ZXDC: variants seen among roughly 807,000 people sequenced by gnomAD.
The protein encoded by ZXDC is ZXD family zinc finger C.
In ZXDC, 58 loss-of-function variants were observed where a neutral mutation model predicts 63.6. That is an observed-to-expected ratio of 0.91 (90% CI 0.74 to 1.13). ZXDC has a LOEUF of 1.13. Among genes scored for constraint, ZXDC ranks in the 50% most tolerant of loss-of-function variants. ZXDC has a pLI of 0.00. For missense variants in ZXDC, 1,133 were observed against 1,148.9 expected (o/e 0.99, Z 0.20); for synonymous variants, 561 against 496.1 (o/e 1.13, Z -1.74).
At chr3:126,461,495 A>C (rs539869207) in intron 6 of ZXDC, 40 bp downstream of exon 6, 1 of 1,559,110 alleles carries the variant, frequency 6.4e-7, no homozygotes, top group Admixed American at 1.9e-5. Flanking sequence ...GTATGAGAGA[A>C]GTGACCTATA....
At chr3:126,458,319 C>A (rs139823135) in intron 7 of ZXDC, among the ~76,000 whole-genome samples, 3,931 of 150,692 alleles carry the variant, frequency 0.026, 66 homozygotes, top group Non-Finnish European at 0.039. Flanking sequence ...TCACTGCAAC[C>A]TCTGCCTCCT....
intron 7 of ZXDC, among the ~76,000 whole-genome samples, chr3:126,449,553 C>T (rs375343509): frequency 7.9e-5 from 12 of 152,380 alleles, no homozygotes; most frequent in East Asian, 1.9e-4. Flanking sequence ...CCTGACCCTA[C>T]GACTGATGCT....
intron 5 of ZXDC, among the ~76,000 whole-genome samples, chr3:126,465,141 C>A (rs1179554098): frequency 6.6e-6 from 1 of 152,228 alleles, no homozygotes; most frequent in Non-Finnish European, 1.5e-5. Context: ...CAGTTGGTGA[C>A]ACACACAGCC....
Position 126,470,998 on chromosome 3 carries a change from G to A in ZXDC, c.1167C>T (p.Thr389=), listed in dbSNP as rs1158154599. 2 of 1,614,164 alleles carry A rather than the reference G, an allele frequency of 1.2e-6. No individual in the cohort carries two copies. The highest frequency in any genetic ancestry group is 1.3e-5 in the African/African-American group (1 of 75,036). Reference sequence around the variant, plus strand: ...ATTTCCCACAGCCCTCGACAGGGCAGGTAAACCTCCGGTCATCGTCATGTT... The same window carrying A: ...ATTTCCCACAGCCCTCGACAGGGCAAGTAAACCTCCGGTCATCGTCATGTT... ...RRKHDDDRRF[T]CPVEGCGKSF... Residue 389 remains threonine, a synonymous_variant, in exon 4 of 10, where the codon ACC becomes ACT. Transcript: ENST00000389709.
intron 7 of ZXDC, chr3:126,457,158 G>T: frequency 3.3e-6 from 2 of 607,992 alleles, no homozygotes; most frequent in Non-Finnish European, 4.1e-6. Flanking sequence ...GGGGGAGTCT[G>T]GTCACATTCA....
intron 7 of ZXDC, chr3:126,451,289 T>G (rs1934090488): frequency 1.3e-5 from 13 of 985,352 alleles, no homozygotes; most frequent in Non-Finnish European, 1.3e-5. Context: ...ACACAAAAAT[T>G]TGTCTCTCAA....
At chr3:126,440,027 C>T in intron 8 of ZXDC, 3 of 1,241,224 alleles carry the variant, frequency 2.4e-6, no homozygotes, top group Non-Finnish European at 3.0e-6. Context: ...AAGGCACGCT[C>T]CTCAACTCCT....
chr3:126,453,686 G>C (rs928516611), intron 7 of ZXDC: 1 of 985,170 alleles, frequency 1.0e-6, no homozygotes, highest in Non-Finnish European at 1.2e-6. Context: ...TTTGTAATTA[G>C]CTTTTATTTT....
At chr3:126,449,108 T>C (rs1933995183) in intron 7 of ZXDC, among the ~76,000 whole-genome samples, 1 of 152,220 alleles carries the variant, frequency 6.6e-6, no homozygotes, top group Admixed American at 6.5e-5. Context: ...TCAGCAGCTC[T>C]GAAACCACAT....
At chr3:126,473,691 G>A (rs998079208) in intron 1 of ZXDC, among the ~76,000 whole-genome samples, 1 of 152,154 alleles carries the variant, frequency 6.6e-6, no homozygotes, top group East Asian at 1.9e-4. Context: ...ATATGCGAGG[G>A]AAAAAATAAT....
intron 3 of ZXDC, 118 bp downstream of exon 3, chr3:126,471,855 C>T: frequency 1.2e-6 from 1 of 858,804 alleles, no homozygotes; most frequent in South Asian, 2.1e-5. Context: ...ATCATCAACA[C>T]TGAGCTCCTT....
chr3:126,462,455 G>A (rs763097919), intron 5 of ZXDC, among the ~76,000 whole-genome samples: 13 of 152,162 alleles, frequency 8.5e-5, no homozygotes, highest in Non-Finnish European at 1.3e-4. Flanking sequence ...CTTTACGTAC[G>A]CGTCTTGGAT....
At chr3:126,442,128 C>T (rs1163326494) in intron 7 of ZXDC, 182 bp from the exon 8 acceptor site, 3 of 612,002 alleles carry the variant, frequency 4.9e-6, no homozygotes, top group Admixed American at 4.3e-5. Context: ...AACAACCATA[C>T]GAACAAAAAA....
At chr3:126,473,619 T>C (rs949220386) in intron 1 of ZXDC, among the ~76,000 whole-genome samples, 1 of 152,206 alleles carries the variant, frequency 6.6e-6, no homozygotes, top group Non-Finnish European at 1.5e-5. Context: ...GAAAAAGACT[T>C]TGAGCTAGTG....
intron 2 of ZXDC, 42 bp from the exon 3 acceptor site, chr3:126,472,093 C>CTGTTT: frequency 6.2e-7 from 1 of 1,609,794 alleles, no homozygotes; most frequent in Non-Finnish European, 8.5e-7. Context: ...TTTACAACTC[C>CTGTTT]AACAGCTACG....
chr3:126,450,121 G>C (rs1427634479), intron 7 of ZXDC: 2 of 345,438 alleles, frequency 5.8e-6, no homozygotes, highest in Non-Finnish European at 1.1e-5. Context: ...TCTAGGAAGT[G>C]ATGTCCAGAG....
intron 7 of ZXDC, among the ~76,000 whole-genome samples, chr3:126,444,269 A>C (rs1576662018): frequency 6.6e-6 from 1 of 152,228 alleles, no homozygotes; most frequent in Admixed American, 6.5e-5. Flanking sequence ...GCAGTGGCTC[A>C]CGCCTGTAAT....
rs767014376 is a variant in ZXDC, at chr3:126,475,542, G to T, written c.324C>A (p.Pro108=). The part of the protein sequence containing the change: ...PGSRVNLASR[P]EQGPSGPAAP... ...CGGCCGGGCCGCTGGGGCCCTGCTC[G>T]GGGCGGCTCGCCAGGTTGACACGGG... The change falls in exon 1 of 10, where the codon CCC becomes CCA. Residue 108 remains proline, a synonymous_variant. Coordinates refer to ENST00000389709, the MANE Select transcript of ZXDC (RefSeq NM_025112.5). The T allele has an allele frequency of 1.5e-6, 2 of 1,349,046 alleles. No individual in the cohort carries two copies. Among genetic ancestry groups the T allele is most frequent in the Non-Finnish European group, 1.9e-6 (2 of 1,050,058 alleles). The allele number at this position is 1,349,046 out of a possible 1,614,324, so 83.6% of individuals were successfully genotyped here.
chr3:126,459,603 A>C lies in ZXDC; in HGVS notation c.2212+50T>G, dbSNP rs1003242860. The C allele has an allele frequency of 3.1e-6, 5 of 1,612,794 alleles. No individual in the cohort carries two copies. In the African/African-American group the frequency reaches 6.7e-5, roughly 22 times the overall value. ...TGTTTCTTCTGCCAGTAACAGTGACAGAGAACCCTCAGGCCCTTGCTCGTC... is the reference window on the plus strand; with the variant it reads ...TGTTTCTTCTGCCAGTAACAGTGACCGAGAACCCTCAGGCCCTTGCTCGTC... On this transcript the variant is annotated intron_variant, in intron 7 of 9. Transcript: ENST00000389709.
Sources: allele counts gnomAD v4.1 joint callset (sites outside exome capture counted in the v4.1 genomes callset), GRCh38; gene constraint gnomAD v4.1.1; transcripts MANE v1.5; gene names NCBI Gene and HGNC (gene_info 2026-07-23, HGNC 2026-07-21).